Variants in KIF14 observed in about 807,000 individuals in gnomAD.
The protein encoded by KIF14 is kinesin-like protein KIF14.
KIF14 carries 98 observed loss-of-function variants against 176.2 expected under a neutral mutation model. The ratio of observed to expected loss-of-function variants is 0.56; its 90% CI spans 0.47 to 0.66. KIF14 has a LOEUF of 0.66. KIF14 is among the 30% of genes least tolerant of loss of function. KIF14 has a pLI of 0.00. For missense variants in KIF14, 1,751 were observed against 1,920.4 expected (o/e 0.91, Z 1.65); for synonymous variants, 566 against 632.2 (o/e 0.90, Z 1.57).
In KIF14 at chr1:200,600,453, T is replaced by C. The variant is rs140067549; in HGVS notation, c.2203A>G (p.Asn735Asp). 40 of 1,613,826 alleles carry C rather than the reference T, an allele frequency of 2.5e-5. No homozygotes were observed. In the African/African-American group the frequency reaches 4.7e-4, roughly 19 times the overall value. Residue 735 changes from asparagine (N) to aspartate (D), a missense_variant, in exon 12 of 30, where the codon AAT becomes GAT. Transcript: ENST00000367350. ...KLKAAQRNSR[N>D]IDPERYRLCR... is the part of the protein sequence containing the mutation. ...AGCCTGTATCGTTCAGGGTCAATAT[T>C]CCGACTGTTTCTCTGAGCAGCTTTT...
chr1:200,591,792 G>A (rs1432563182), intron 16 of KIF14, among the ~76,000 whole-genome samples: 1 of 152,172 alleles, frequency 6.6e-6, no homozygotes, highest in Non-Finnish European at 1.5e-5. Context: ...TCAGAGAACT[G>A]TGTCATAGCA....
At chr1:200,580,445 A>G in intron 20 of KIF14, 62 bp from the exon 21 acceptor site, 4 of 1,119,398 alleles carry the variant, frequency 3.6e-6, no homozygotes, top group Non-Finnish European at 4.8e-6. Flanking sequence ...TTATACTAAG[A>G]GTTTTCTGGG....
At chr1:200,620,329 A>G (rs894858711) in intron 1 of KIF14, 82 bp downstream of exon 1, 3 of 152,258 alleles carry the variant, frequency 2.0e-5, no homozygotes, top group Admixed American at 2.0e-4. Flanking sequence ...TACAAGGAAA[A>G]TAAGCACAAT....
At chr1:200,587,408 TA>T (rs201973922) in intron 18 of KIF14, among the ~76,000 whole-genome samples, 2,593 of 141,546 alleles carry the variant, frequency 0.018, 38 homozygotes, top group Middle Eastern at 0.031. Context: ...GACAAACTGT[TA>T]AAAAAAAAAA....
chr1:200,619,646 C>A (rs1009668601), intron 1 of KIF14, among the ~76,000 whole-genome samples: 2 of 152,198 alleles, frequency 1.3e-5, no homozygotes, highest in East Asian at 3.8e-4. Context: ...CCACCGCGTC[C>A]GGCCCATGTA....
chr1:200,619,724 G>A (rs1660594499), intron 1 of KIF14, among the ~76,000 whole-genome samples: 1 of 152,196 alleles, frequency 6.6e-6, no homozygotes, highest in African/African-American at 2.4e-5. Flanking sequence ...TTATTCCCAA[G>A]TACCACAGGC....
At chr1:200,592,008 T>G in intron 16 of KIF14, 72 bp downstream of exon 16, 1 of 1,291,908 alleles carries the variant, frequency 7.7e-7, no homozygotes, top group Non-Finnish European at 1.1e-6. Flanking sequence ...TACTAGAGAC[T>G]GGCACAATGT....
chr1:200,585,536 T>C (rs1448590702), intron 19 of KIF14, among the ~76,000 whole-genome samples: 1 of 152,190 alleles, frequency 6.6e-6, no homozygotes, highest in Admixed American at 6.5e-5. Context: ...GAAATTTGGC[T>C]TACTATTTGC....
At position 200,573,427 on chromosome 1, in the gene KIF14, CTTTTTT is replaced by C. The variant is rs869174532; in HGVS notation, c.3566+2158_3566+2163del. ...TTCCCTACACTCAAGGAGCTCATTT[CTTTTTT>C]TTTTTTTTTTTTTTTTTTGAGACGG... On this transcript the variant is annotated intron_variant, in intron 22 of 29. Coordinates refer to ENST00000367350, the MANE Select transcript of KIF14 (RefSeq NM_014875.3). 3.6e-3 allele frequency among the ~76,000 whole-genome samples: 279 copies of C among 77,752 alleles called. 2 individuals are homozygous for C. Among genetic ancestry groups the C allele is most frequent in the African/African-American group, 9.1e-3 (160 of 17,568 alleles). The allele number at this position is 77,752 out of a possible 152,430, so 51.0% of individuals were successfully genotyped here.
chr1:200,590,099 A>C (rs749296299), intron 17 of KIF14, 26 bp downstream of exon 17: 1 of 1,588,040 alleles, frequency 6.3e-7, no homozygotes, highest in East Asian at 2.2e-5. Flanking sequence ...TCGGAAAAAA[A>C]AAATAAAACT....
At chr1:200,558,038 C>T (rs1571450919) in intron 27 of KIF14, among the ~76,000 whole-genome samples, 1 of 152,200 alleles carries the variant, frequency 6.6e-6, no homozygotes, top group Non-Finnish European at 1.5e-5. Context: ...TCACTGCAGA[C>T]TCAAACTCCT....
intron 4 of KIF14, among the ~76,000 whole-genome samples, chr1:200,614,068 A>G (rs1436686673): frequency 6.6e-6 from 1 of 152,244 alleles, no homozygotes; most frequent in African/African-American, 2.4e-5. Context: ...CTACGTATAC[A>G]CAAAAGTAAA....
At position 200,602,041 on chromosome 1, in the gene KIF14, A is replaced by C; in HGVS notation, c.2007T>G (p.Asn669Lys). The change falls in exon 11 of 30, where the codon AAT (asparagine) becomes AAG (lysine). Residue 669 changes from asparagine (N) to lysine (K), a missense_variant. Coordinates refer to ENST00000367350, the MANE Select transcript of KIF14 (RefSeq NM_014875.3). The part of the protein sequence containing the change: ...TWLLKESLGG[N>K]SKTAMIATIS... ...TCGTAGCAATCATTGCAGTTTTTGAATTTCCACCCAGACTTTCTTTTAACA... is the reference window on the plus strand; with the variant it reads ...TCGTAGCAATCATTGCAGTTTTTGACTTTCCACCCAGACTTTCTTTTAACA... 1 of 1,612,690 alleles carries C rather than the reference A, an allele frequency of 6.2e-7. No homozygotes were observed. The highest frequency in any genetic ancestry group is 1.7e-5 in the Admixed American group (1 of 59,790).
intron 26 of KIF14, among the ~76,000 whole-genome samples, chr1:200,559,945 G>A (rs1657043066): frequency 6.6e-6 from 1 of 152,038 alleles, no homozygotes; most frequent in Admixed American, 6.6e-5. Flanking sequence ...AGTAGAGACG[G>A]GGTTTCGCCA....
intron 4 of KIF14, among the ~76,000 whole-genome samples, chr1:200,613,998 T>A (rs931091271): frequency 1.2e-4 from 18 of 152,220 alleles, no homozygotes; most frequent in Non-Finnish European, 2.6e-4. Flanking sequence ...AGTTAAACTG[T>A]ACACCTATCT....
intron 19 of KIF14, among the ~76,000 whole-genome samples, chr1:200,584,533 G>GATGCA (rs1658633917): frequency 6.6e-6 from 1 of 152,156 alleles, no homozygotes. Flanking sequence ...TTATCACTGG[G>GATGCA]ATGCAAGGAT....
Position 200,617,832 on chromosome 1 carries a change from T to C in KIF14, c.892A>G (p.Ser298Gly). The C allele has an allele frequency of 6.2e-7, 1 of 1,614,214 alleles. No homozygotes were observed. The highest frequency in any genetic ancestry group is 8.5e-7 in the Non-Finnish European group (1 of 1,180,026). Reference sequence around the variant, plus strand: ...TTCTTCAGTATTGATGGAGCTGGGCTCTTAAGCTGAGGCAGGCTGCACTTT... The same window carrying C: ...TTCTTCAGTATTGATGGAGCTGGGCCCTTAAGCTGAGGCAGGCTGCACTTT... ...TTKCSLPQLK[S>G]PAPSILKNRM... The change falls in exon 2 of 30, where the codon AGC becomes GGC. Residue 298 changes from serine (S) to glycine (G), a missense_variant. Ser to Gly is a moderately conservative substitution (Grantham distance 56). Coordinates refer to ENST00000367350, the MANE Select transcript of KIF14 (RefSeq NM_014875.3).
intron 28 of KIF14, 122 bp from the exon 29 acceptor site, chr1:200,554,728 C>G (rs1014767249): frequency 5.3e-5 from 30 of 566,760 alleles, no homozygotes; most frequent in Non-Finnish European, 3.0e-6. Flanking sequence ...AATTTCCTCA[C>G]CAGTGCTTAA....
chr1:200,565,845 C>T (rs942661093), intron 23 of KIF14, among the ~76,000 whole-genome samples, 176 bp from the exon 24 acceptor site: 8 of 152,240 alleles, frequency 5.3e-5, no homozygotes, highest in South Asian at 4.1e-4. Context: ...TATATAACAT[C>T]GTATGCTATG....
Sources: allele counts gnomAD v4.1 joint callset (sites outside exome capture counted in the v4.1 genomes callset), GRCh38; gene constraint gnomAD v4.1.1; transcripts MANE v1.5; gene names NCBI Gene and HGNC (gene_info 2026-07-23, HGNC 2026-07-21).